The following PKP4 variants were observed in gnomAD, a reference collection of about 807,000 sequenced individuals.
PKP4 encodes the protein plakophilin-4.
In PKP4, 90 loss-of-function variants were observed where a neutral mutation model predicts 145.1. The observed-to-expected ratio is 0.62, with a 90% CI of 0.52 to 0.74. PKP4 has a LOEUF of 0.74. Among genes scored for constraint, PKP4 ranks in the 30% least tolerant of loss-of-function variants. The probability of loss-of-function intolerance (pLI) is 0.00; values close to 1 mark genes in which losing one functional copy is unlikely to be tolerated. For synonymous variants in PKP4, 563 were observed against 577.2 expected, an observed-to-expected ratio of 0.98 and a Z score of 0.35; for missense variants, 1,340 against 1,482.7, an observed-to-expected ratio of 0.90 and a Z score of 1.58.
At chr2:158,629,172 G>T (rs577030446) in intron 7 of PKP4, among the ~76,000 whole-genome samples, 2 of 152,196 alleles carry the variant, frequency 1.3e-5, no homozygotes, top group African/African-American at 2.4e-5. Context: ...AGCAATCACA[G>T]TGTCATCTTT....
chr2:158,657,095 G>C (rs2056046408), intron 11 of PKP4, among the ~76,000 whole-genome samples: 1 of 152,184 alleles, frequency 6.6e-6, no homozygotes, highest in Non-Finnish European at 1.5e-5. Context: ...ACAGACTCGA[G>C]CAACTTGCCA....
Position 158,583,606 on chromosome 2 carries a change from TA to T in PKP4, c.245+6224del, listed in dbSNP as rs781404680. On this transcript the variant is annotated intron_variant, in intron 3 of 21. Transcript: ENST00000389759. Reference sequence around the variant, plus strand: ...CAATCCTTTACTAGCACTTTTGGTATACAGTTGTGTGACGACCACCACCACT... The same window carrying T: ...CAATCCTTTACTAGCACTTTTGGTATCAGTTGTGTGACGACCACCACCACT... Among the ~76,000 whole-genome samples, 63 of 152,336 alleles carry T rather than the reference TA, an allele frequency of 4.1e-4. 1 individual carries two copies. The highest frequency in any genetic ancestry group is 3.7e-4 in the Non-Finnish European group (25 of 68,034).
rs1283386516 is a variant in PKP4 at position 158,547,629 on chromosome 2, T to C, written c.132+14313T>C. ...GTACATTTAGTAAAACCCCTAACGC[T>C]GTGCCTTTAAAATGGGTGCATTTTA... On this transcript the variant is annotated intron_variant, in intron 2 of 21. Transcript: ENST00000389759. Among the ~76,000 whole-genome samples, 5 of 152,344 alleles carry C rather than the reference T, an allele frequency of 3.3e-5. No homozygotes were observed. The South Asian group carries it at 1.0e-3, about 32-fold the overall frequency.
At chr2:158,489,682 A>G (rs980008601) in intron 1 of PKP4, among the ~76,000 whole-genome samples, 6 of 152,284 alleles carry the variant, frequency 3.9e-5, no homozygotes, top group African/African-American at 1.4e-4. Context: ...ATGAAATTCT[A>G]CTCACTTGCT....
chr2:158,626,299 A>G (rs576551422), intron 7 of PKP4, among the ~76,000 whole-genome samples: 176 of 152,358 alleles, frequency 1.2e-3, no homozygotes, highest in African/African-American at 4.0e-3. Flanking sequence ...ATTCTATCAT[A>G]TAGATCTTCT....
intron 3 of PKP4, among the ~76,000 whole-genome samples, chr2:158,586,564 A>G (rs184721728): frequency 6.6e-6 from 1 of 152,264 alleles, no homozygotes; most frequent in African/African-American, 2.4e-5. Context: ...ATTACCGGAA[A>G]CCCTCGGGAT....
intron 1 of PKP4, among the ~76,000 whole-genome samples, chr2:158,509,667 G>T (rs1276751956): frequency 3.3e-5 from 5 of 152,192 alleles, no homozygotes; most frequent in Admixed American, 1.3e-4. Context: ...ACTAGTGTGG[G>T]CCGGGCGCGG....
intron 19 of PKP4, 38 bp from the exon 20 acceptor site, chr2:158,676,701 C>G (rs1401943524): frequency 6.2e-7 from 1 of 1,612,822 alleles, no homozygotes; most frequent in Non-Finnish European, 8.5e-7. Context: ...ATTTCTCTTT[C>G]TACCCCTCTT....
chr2:158,668,951 A>T (rs893626314), intron 16 of PKP4, among the ~76,000 whole-genome samples: 2 of 152,228 alleles, frequency 1.3e-5, no homozygotes, highest in Non-Finnish European at 2.9e-5. Flanking sequence ...TCAGTTGGTA[A>T]TCGAAGTTGA....
intron 1 of PKP4, among the ~76,000 whole-genome samples, chr2:158,462,762 G>A (rs141146659): frequency 5.4e-4 from 82 of 152,264 alleles, no homozygotes; most frequent in African/African-American, 1.9e-3. Context: ...CTTGCTGGCT[G>A]TGTAACCTGG....
chr2:158,500,240 T>G (rs1012598637), intron 1 of PKP4, among the ~76,000 whole-genome samples: 3 of 152,168 alleles, frequency 2.0e-5, no homozygotes. Context: ...CACAGAACAG[T>G]AGCAAATGAG....
intron 1 of PKP4, among the ~76,000 whole-genome samples, chr2:158,530,011 AG>A (rs1460585817): frequency 6.6e-6 from 1 of 152,194 alleles, no homozygotes; most frequent in African/African-American, 2.4e-5. Context: ...AGCTGTTTAC[AG>A]ATTGTTGAAG....
chr2:158,550,698 AGAAACAGTGTTT>A (rs1466633382), intron 2 of PKP4, among the ~76,000 whole-genome samples: 5 of 152,232 alleles, frequency 3.3e-5, no homozygotes, highest in Non-Finnish European at 7.3e-5. Context: ...TGTCCCAGTG[AGAAACAGTGTTT>A]GAAACTTTTT....
At chr2:158,509,913 C>G (rs1434961530) in intron 1 of PKP4, among the ~76,000 whole-genome samples, 2 of 149,904 alleles carry the variant, frequency 1.3e-5, no homozygotes, top group African/African-American at 2.5e-5. Context: ...CACCACTGCA[C>G]TCCAGCCTGG....
intron 18 of PKP4, 26 bp from the exon 19 acceptor site, chr2:158,673,857 G>C: frequency 6.6e-7 from 1 of 1,523,256 alleles, no homozygotes; most frequent in Non-Finnish European, 9.1e-7. Context: ...CATTTTGAGA[G>C]GTTTCTTTTT....
At chr2:158,606,616 C>A (rs1391879511) in intron 4 of PKP4, among the ~76,000 whole-genome samples, 1 of 152,104 alleles carries the variant, frequency 6.6e-6, no homozygotes, top group African/African-American at 2.4e-5. Flanking sequence ...ATCACTTAGC[C>A]TTTCTGTGCA....
intron 1 of PKP4, among the ~76,000 whole-genome samples, chr2:158,501,895 A>G (rs1696638964): frequency 6.6e-6 from 1 of 152,176 alleles, no homozygotes; most frequent in African/African-American, 2.4e-5. Context: ...CCTTGGTATC[A>G]TTAAGTTTTC....
At chr2:158,553,376 A>G (rs533090531) in intron 2 of PKP4, among the ~76,000 whole-genome samples, 2 of 152,330 alleles carry the variant, frequency 1.3e-5, no homozygotes, top group South Asian at 4.1e-4. Context: ...GAAATTTTCC[A>G]GGGAAGATCT....
chr2:158,636,590 C>CT (rs760509606), intron 9 of PKP4, among the ~76,000 whole-genome samples: 8 of 152,026 alleles, frequency 5.3e-5, no homozygotes, highest in African/African-American at 2.4e-5. Context: ...GCCATTAATT[C>CT]TTTAAGTTTT....
Sources: allele counts gnomAD v4.1 joint callset (sites outside exome capture counted in the v4.1 genomes callset), GRCh38; gene constraint gnomAD v4.1.1; transcripts MANE v1.5; gene names NCBI Gene and HGNC (gene_info 2026-07-23, HGNC 2026-07-21).